CDH16: variants seen among roughly 807,000 people sequenced by gnomAD.
CDH16 encodes cadherin 16, also known as cadherin-16.
Under a neutral mutation model 87.6 loss-of-function variants are expected in CDH16, and 79 were observed. That is an observed-to-expected ratio of 0.90 (90% CI 0.75 to 1.09). CDH16 has a LOEUF of 1.09. Ranked by LOEUF, CDH16 falls within the 50% of genes least tolerant of loss-of-function variation. The pLI is 0.00. For missense variants in CDH16, 1,124 were observed against 1,071.7 expected, an observed-to-expected ratio of 1.05 and a Z score of -0.68; for synonymous variants, 457 against 439.5, an observed-to-expected ratio of 1.04 and a Z score of -0.50.
chr16:66,908,574 G>A (rs1183056227), intron 17 of CDH16, 85 bp from the exon 18 acceptor site: 1 of 1,064,892 alleles, frequency 9.4e-7, no homozygotes, highest in Non-Finnish European at 1.5e-6. Context: ...GATTGGCATT[G>A]GATTAATGAA....
rs780011921 is a variant in CDH16 at position 66,910,436 on chromosome 16, G to A, written c.1991C>T (p.Ala664Val). The A allele has an allele frequency of 8.8e-6, 14 of 1,594,068 alleles. No homozygotes were observed. The highest frequency in any genetic ancestry group is 1.3e-5 in the African/African-American group (1 of 74,444). The part of the protein sequence containing the change: ...IHFLKAPPAP[A>V]LTLAPVPSQY... ...GGAGGGCACAGGGGCAAGAGTCAGG[G>A]CTGGGGCAGGAGGGGCCTTTAGGAA... is the stretch of plus-strand genomic sequence containing the variant. Residue 664 changes from alanine (A) to valine (V), a missense_variant, in exon 15 of 18, where the codon GCC becomes GTC. Coordinates refer to ENST00000299752, the MANE Select transcript of CDH16 (RefSeq NM_004062.4).
rs1962664616 is a variant in CDH16 at position 66,916,033 on chromosome 16, C to T, written c.424+32G>A. ...GCTGTTCCATCAAGGCCCACCTGAC[C>T]TTACTGTAAATTGGCTGCCCTGGTC... On this transcript the variant is annotated intron_variant, in intron 5 of 17. Coordinates refer to ENST00000299752, the MANE Select transcript of CDH16 (RefSeq NM_004062.4). The surrounding 1 kb of genome is among the most constrained non-coding windows in gnomAD (Gnocchi z 4.1). The T allele has an allele frequency of 4.3e-6, 7 of 1,613,678 alleles. No individual in the cohort carries two copies. The highest frequency in any genetic ancestry group is 1.3e-5 in the African/African-American group (1 of 75,076).
chr16:66,908,540 T>G (rs1962261197), intron 17 of CDH16, 51 bp from the exon 18 acceptor site: 1 of 1,395,242 alleles, frequency 7.2e-7, no homozygotes. Flanking sequence ...CTGTGGGACT[T>G]GTTCATCACG....
Position 66,911,334 on chromosome 16 carries a change from G to A in CDH16, c.1791-19C>T. The A allele has an allele frequency of 1.2e-6, 2 of 1,611,884 alleles. No homozygotes were observed. ...GGAGAACCTGCCGCCCAAAGAAGGA[G>A]GTGAGGAGGTACTGGGACTACATAT... On this transcript the variant is annotated intron_variant, in intron 13 of 17. Coordinates refer to ENST00000299752, the MANE Select transcript of CDH16 (RefSeq NM_004062.4).
rs138685191 is a variant in CDH16 at position 66,908,427 on chromosome 16, G to A, written c.2455C>T (p.Pro819Ser). 160 of 1,614,112 alleles carry A rather than the reference G, an allele frequency of 9.9e-5. 2 individuals are homozygous for A. The East Asian group carries it at 1.9e-3, about 20-fold the overall frequency. Residue 819 changes from proline (P) to serine (S), a missense_variant, in exon 18 of 18, where the codon CCA (proline) becomes TCA (serine). Physicochemically the swap from Pro to Ser is moderately conservative, Grantham distance 74. Transcript: ENST00000299752. ...GCCTTCAGGGGCACGCTGTCTGCTG[G>A]TTGATCCGGGTCCTTCTTCCTTGAC... is the stretch of plus-strand genomic sequence containing the variant. ...TMSRKKDPDQ[P>S]ADSVPLKATV
At position 66,911,311 on chromosome 16, in the gene CDH16, A is replaced by T; in HGVS notation, c.1795T>A (p.Ser599Thr). The T allele has an allele frequency of 1.2e-6, 2 of 1,613,286 alleles. No individual in the cohort carries two copies. The highest frequency in any genetic ancestry group is 2.2e-5 in the South Asian group (2 of 90,922). The change falls in exon 14 of 18, where the codon TCC (serine) becomes ACC (threonine). Residue 599 changes from serine to threonine, a missense_variant. By Grantham distance (58) the Ser-to-Thr change is moderately conservative (BLOSUM62 1). Transcript: ENST00000299752. ...CAGCCCTCTGAGTCATTGACTAGGG[A>T]GAACCTGCCGCCCAAAGAAGGAGGT... Reference protein sequence around the residue: ...SDPISRTLRFSLVNDSEGWLC... With the variant: ...SDPISRTLRFTLVNDSEGWLC...
chr16:66,913,424 C>A, intron 8 of CDH16, 67 bp downstream of exon 8: 1 of 1,607,396 alleles, frequency 6.2e-7, no homozygotes, highest in South Asian at 1.1e-5. Flanking sequence ...TTGTGACACC[C>A]CCAAAAGCCA....
intron 9 of CDH16, 98 bp from the exon 10 acceptor site, chr16:66,912,989 C>A: frequency 7.5e-7 from 1 of 1,340,964 alleles, no homozygotes; most frequent in Non-Finnish European, 1.0e-6. Flanking sequence ...TGAATTTGAG[C>A]TCGTGTGTGT....
rs751244459 is a variant in CDH16, at chr16:66,917,658, G to C, written c.113C>G (p.Pro38Arg). 1 of 1,613,322 alleles carries C rather than the reference G, an allele frequency of 6.2e-7. No homozygotes were observed. Among genetic ancestry groups the C allele is most frequent in the Admixed American group, 1.7e-5 (1 of 59,926 alleles). ...EVPENYGGNFPLYLTKLPLPR... is the reference protein window; with the variant it reads ...EVPENYGGNFRLYLTKLPLPR... ...CCGGCTCACCTTGGTCAGGTATAAA[G>C]GGAAATTTCCACCATAGTTTTCTGG... The change falls in exon 3 of 18, where the codon CCT becomes CGT. Residue 38 changes from proline to arginine, a missense_variant. Physicochemically the swap from Pro to Arg is moderately radical, Grantham distance 103. Transcript: ENST00000299752.
Position 66,912,911 on chromosome 16 carries a change from C to T in CDH16, c.1055-20G>A, listed in dbSNP as rs1250753998. On this transcript the variant is annotated intron_variant, in intron 9 of 17. Transcript: ENST00000299752. ...CAGTACCTGCCAAGACAGCACCCGC[C>T]TGGATAGGACCACAGCCCAGCCTGG... 6.3e-7 allele frequency: 1 copy of T among 1,598,548 alleles called. No individual in the cohort carries two copies. The highest frequency in any genetic ancestry group is 8.5e-7 in the Non-Finnish European group (1 of 1,172,048).
rs767034742 is a variant in CDH16, at chr16:66,915,319, C to T, written c.484G>A (p.Asp162Asn). ...TGGCTCAGGATGTGGAATCGAAGAT[C>T]CGAGTTGGCTGTGCCTGGCTCATCC... ...DRDEPGTANSDLRFHILSQAP... is the reference protein window; with the variant it reads ...DRDEPGTANSNLRFHILSQAP... Residue 162 changes from aspartate (D) to asparagine (N), a missense_variant, in exon 6 of 18, where the codon GAT (aspartate) becomes AAT (asparagine). Transcript: ENST00000299752. 1.2e-5 allele frequency: 19 copies of T among 1,613,768 alleles called. No individual in the cohort carries two copies. The highest frequency in any genetic ancestry group is 1.6e-5 in the Non-Finnish European group (19 of 1,179,990).
chr16:66,918,463 CTTG>C (rs1449398026), intron 1 of CDH16, among the ~76,000 whole-genome samples: 2 of 152,254 alleles, frequency 1.3e-5, no homozygotes, highest in African/African-American at 2.4e-5. Flanking sequence ...GAAGTCACCT[CTTG>C]TTGCAGGCAA....
chr16:66,914,168 C>T (rs780845618), intron 7 of CDH16, 48 bp downstream of exon 7: 2 of 1,527,606 alleles, frequency 1.3e-6, no homozygotes, highest in East Asian at 4.5e-5. Flanking sequence ...TCGGGCCTGG[C>T]TGCACCATCC....
Position 66,909,927 on chromosome 16 carries a change from C to G in CDH16, c.2275+59G>C. On this transcript the variant is annotated intron_variant, in intron 16 of 17. Transcript: ENST00000299752. The surrounding 1 kb of genome is among the most constrained non-coding windows in gnomAD (Gnocchi z 4.1). ...CTGTATGCATGTGTACCAGCTCCCT[C>G]CCCTTGCATCCCAGCGGTTCCCTCA... 1.6e-6 allele frequency: 2 copies of G among 1,259,266 alleles called. No individual in the cohort carries two copies. Among genetic ancestry groups the G allele is most frequent in the Non-Finnish European group, 2.3e-6 (2 of 881,906 alleles). The allele number at this position is 1,259,266 out of a possible 1,614,324, so 78.0% of individuals were successfully genotyped here.
chr16:66,909,475 G>A lies in CDH16; in HGVS notation c.2276-92C>T. 12 of 815,422 alleles carry A rather than the reference G, an allele frequency of 1.5e-5. No individual in the cohort carries two copies. The South Asian group carries it at 1.6e-4, about 11-fold the overall frequency. The allele number at this position is 815,422 out of a possible 1,614,324, so 50.5% of individuals were successfully genotyped here. A position where few individuals can be genotyped will look rare whatever the true frequency, so the allele number is the denominator to read the frequency against. ...GCCCAGCCACCTGGCTGATATGTGT[G>A]TGTTTCTGCACATGTGTGTATTCAC... On this transcript the variant is annotated intron_variant, in intron 16 of 17. Transcript: ENST00000299752. The surrounding 1 kb of genome is among the most constrained non-coding windows in gnomAD (Gnocchi z 4.1).
chr16:66,916,339 CT>C lies in CDH16; in HGVS notation c.219del (p.Asp74IlefsTer7). ...CTGGTCACCAGCAGGAAGCCAGAAT[CT>C]GGATCCATAGCAAATGGGCCCTCAG... is the stretch of plus-strand genomic sequence containing the variant. ...KATEGPFAMD[P>X]DSGFLLVTRA... On this transcript the variant is annotated frameshift_variant, in exon 4 of 18. Coordinates refer to ENST00000299752, the MANE Select transcript of CDH16 (RefSeq NM_004062.4). LOFTEE classifies it high-confidence loss of function. This position sits in a 1 kb window ranked among gnomAD's most constrained non-coding sequence, Gnocchi z 4.1. 6.2e-7 allele frequency: 1 copy of C among 1,614,182 alleles called. No homozygotes were observed. Among genetic ancestry groups the C allele is most frequent in the Non-Finnish European group, 8.5e-7 (1 of 1,179,994 alleles).
Position 66,909,427 on chromosome 16 carries a change from TC to T in CDH16, c.2276-45del. 2 of 1,234,656 alleles carry T rather than the reference TC, an allele frequency of 1.6e-6. No individual in the cohort carries two copies. Among genetic ancestry groups the T allele is most frequent in the Non-Finnish European group, 1.2e-6 (1 of 851,334 alleles). 76.5% of individuals were successfully genotyped at this position (1,234,656 alleles called of 1,614,324 possible). A position where few individuals can be genotyped will look rare whatever the true frequency, so the allele number is the denominator to read the frequency against. On this transcript the variant is annotated intron_variant, in intron 16 of 17. Transcript: ENST00000299752. The surrounding 1 kb of genome is among the most constrained non-coding windows in gnomAD (Gnocchi z 4.1). ...AAGGTAAGGGGAGGGAGGGGAGGGC[TC>T]CCCAGCTGCTCAGAGCCCCCAGCCC... is the stretch of plus-strand genomic sequence containing the variant.
At position 66,911,887 on chromosome 16, in the gene CDH16, A is replaced by T. The variant is rs557709349; in HGVS notation, c.1790+12T>A. On this transcript the variant is annotated intron_variant, in intron 13 of 17. Coordinates refer to ENST00000299752, the MANE Select transcript of CDH16 (RefSeq NM_004062.4). ...AATCCAGTCCAGGTAAGGGGCTGGG[A>T]TTTTAGCTCACCTGAGGGTTCGGCT... The T allele has an allele frequency of 1.3e-6, 2 of 1,577,670 alleles. No homozygotes were observed. Among genetic ancestry groups the T allele is most frequent in the Non-Finnish European group, 1.7e-6 (2 of 1,157,734 alleles).
At chr16:66,913,411 T>C (rs1167591866) in intron 8 of CDH16, 80 bp downstream of exon 8, 14 of 1,599,874 alleles carry the variant, frequency 8.8e-6, no homozygotes, top group Non-Finnish European at 1.2e-5. Context: ...GCCTCTGTTG[T>C]AGTTGTGACA....
Sources: gnomAD v4.1 joint callset for allele counts (sites outside exome capture counted in the v4.1 genomes callset) on GRCh38, gnomAD v4.1.1 for gene constraint, Gnocchi (gnomAD v3.1) non-coding constraint, MANE v1.5 for transcripts, NCBI Gene and HGNC (gene_info 2026-07-23, HGNC 2026-07-21) for gene names.